TMEM117: variants seen among roughly 807,000 people sequenced by gnomAD.
TMEM117 encodes transmembrane protein 117.
In TMEM117, 27 loss-of-function variants were observed where a neutral mutation model predicts 52.4. The ratio of observed to expected loss-of-function variants is 0.51; its 90% confidence interval spans 0.38 to 0.71. The LOEUF (loss-of-function observed/expected upper bound fraction) is 0.71. Among genes scored for constraint, TMEM117 ranks in the 30% least tolerant of loss-of-function variants. TMEM117 has a pLI of 0.00. For synonymous variants in TMEM117, 215 were observed against 206.3 expected, an observed-to-expected ratio of 1.04 and a Z score of -0.36; for missense variants, 556 against 630.5, an observed-to-expected ratio of 0.88 and a Z score of 1.26.
chr12:43,914,324 G>T (rs964314043), intron 2 of TMEM117, among the ~76,000 whole-genome samples: 23 of 152,018 alleles, frequency 1.5e-4, no homozygotes, highest in African/African-American at 5.3e-4. Flanking sequence ...AGACCTGCAG[G>T]TCTGCTAAGA....
chr12:43,800,381 T>C, the TMEM117 span: 1 of 1,335,992 alleles, frequency 7.5e-7, no homozygotes, highest in African/African-American at 1.5e-5. Context: ...ACCTAGGAGT[T>C]CCTCTTTAAT....
chr12:44,271,259 A>G lies in TMEM117; in HGVS notation c.609-28321A>G, dbSNP rs1294414834. 2.0e-5 allele frequency among the ~76,000 whole-genome samples: 3 copies of G among 152,068 alleles called. No homozygotes were observed. The East Asian group carries it at 5.8e-4, about 29-fold the overall frequency. ...TATAGTAATATAATTTTAACTACCT[A>G]ATAAATTTTAGCTTTTATAATCATT... On this transcript the variant is annotated intron_variant, in intron 5 of 7. Transcript: ENST00000266534.
chr12:43,880,107 TC>T (rs1943870359), intron 2 of TMEM117, among the ~76,000 whole-genome samples: 2 of 152,214 alleles, frequency 1.3e-5, no homozygotes, highest in African/African-American at 2.4e-5. Context: ...TACAAAATTT[TC>T]CAAGCTTTAG....
At chr12:44,204,786 A>G (rs1746807417) in intron 4 of TMEM117, among the ~76,000 whole-genome samples, 1 of 152,198 alleles carries the variant, frequency 6.6e-6, no homozygotes, top group African/African-American at 2.4e-5. Context: ...AAAGTTGATA[A>G]TAACAAGCAA....
the TMEM117 span, chr12:43,804,032 A>C: frequency 1.8e-5 from 4 of 219,570 alleles, no homozygotes; most frequent in Admixed American, 5.2e-5. Flanking sequence ...GAACTTTCCC[A>C]AAACAAGAAA....
intron 3 of TMEM117, among the ~76,000 whole-genome samples, chr12:43,956,724 C>T (rs931493094): frequency 3.3e-5 from 5 of 152,140 alleles, no homozygotes; most frequent in African/African-American, 9.7e-5. Context: ...TTAGTTCAAC[C>T]ATTGTGGAAG....
In TMEM117 at chr12:44,086,380, AT is replaced by A. The variant is rs202148791; in HGVS notation, c.411-57136del. ...AGGTGCGTGCCACCACTCCCAGCTAATTTTTTTTTGTATTTTAGTAGAGATG... is the reference window on the plus strand; with the variant it reads ...AGGTGCGTGCCACCACTCCCAGCTAATTTTTTTTGTATTTTAGTAGAGATG... On this transcript the variant is annotated intron_variant, in intron 3 of 7. Transcript: ENST00000266534. Among the ~76,000 whole-genome samples, 20 of 150,662 alleles carry A rather than the reference AT, an allele frequency of 1.3e-4. No individual in the cohort carries two copies. The East Asian group carries it at 3.5e-3, about 27-fold the overall frequency.
rs1947655828 is a variant in TMEM117 at position 44,090,839 on chromosome 12, G to GTGTTTT, written c.411-52685_411-52684insGTTTTT. Among the ~76,000 whole-genome samples, 8 of 104,800 alleles carry GTGTTTT rather than the reference G, an allele frequency of 7.6e-5. No individual in the cohort carries two copies. The South Asian group carries it at 2.3e-3, about 30-fold the overall frequency. The allele number at this position is 104,800 out of a possible 152,430, so 68.8% of individuals were successfully genotyped here. A position where few individuals can be genotyped will look rare whatever the true frequency, so the allele number is the denominator to read the frequency against. Reference sequence around the variant, plus strand: ...CTAATTCTTAATCCTGTATTTATGTGTTTTTTTTTGTTTTTTTTTTTTTTT... The same window carrying GTGTTTT: ...CTAATTCTTAATCCTGTATTTATGTGTGTTTTTTTTTTTTTGTTTTTTTTTTTTTTT... On this transcript the variant is annotated intron_variant, in intron 3 of 7. Coordinates refer to ENST00000266534, the MANE Select transcript of TMEM117 (RefSeq NM_032256.3).
chr12:44,195,898 A>G (rs1949413099), intron 4 of TMEM117, among the ~76,000 whole-genome samples: 1 of 127,932 alleles, frequency 7.8e-6, no homozygotes, highest in Admixed American at 7.9e-5. Context: ...TAAAATAAAT[A>G]AATAAATAAA....
At chr12:44,379,361 A>C (rs1951988616) in intron 7 of TMEM117, among the ~76,000 whole-genome samples, 1 of 152,174 alleles carries the variant, frequency 6.6e-6, no homozygotes, top group African/African-American at 2.4e-5. Flanking sequence ...GTCTCAAAAA[A>C]TAAGCTAAAA....
intron 3 of TMEM117, among the ~76,000 whole-genome samples, chr12:44,024,375 G>A (rs1946499846): frequency 6.6e-6 from 1 of 152,180 alleles, no homozygotes; most frequent in South Asian, 2.1e-4. Flanking sequence ...AGATATGAAA[G>A]GGAGCAGTCC....
At chr12:44,125,123 G>T (rs1948301456) in intron 3 of TMEM117, among the ~76,000 whole-genome samples, 1 of 150,186 alleles carries the variant, frequency 6.7e-6, no homozygotes, top group South Asian at 2.1e-4. Context: ...TTTTTTTTTT[G>T]AGACGGAGTC....
Position 44,358,611 on chromosome 12 carries a change from G to A in TMEM117, c.769-17984G>A, listed in dbSNP as rs544010968. Among the ~76,000 whole-genome samples the A allele has an allele frequency of 1.1e-3, 174 of 152,186 alleles. 1 individual carries two copies. Among genetic ancestry groups the A allele is most frequent in the African/African-American group, 4.0e-3 (167 of 41,524 alleles). On this transcript the variant is annotated intron_variant, in intron 6 of 7. Transcript: ENST00000266534. ...TAAGTTTATCTTCCATAAATAGATT[G>A]GAAATGTATTCAGTTGGAACCAAGC...
intron 4 of TMEM117, among the ~76,000 whole-genome samples, chr12:44,188,730 C>G (rs1301854281): frequency 6.6e-5 from 10 of 152,134 alleles, no homozygotes; most frequent in Admixed American, 6.6e-4. Flanking sequence ...CCACAGCACT[C>G]CCATTTGTCT....
intron 4 of TMEM117, among the ~76,000 whole-genome samples, chr12:44,162,160 T>C (rs980380419): frequency 1.3e-5 from 2 of 152,186 alleles, no homozygotes; most frequent in African/African-American, 2.4e-5. Flanking sequence ...TTTGGAGACA[T>C]AGAAGAGAAC....
At chr12:44,312,805 A>T (rs1304944789) in intron 6 of TMEM117, among the ~76,000 whole-genome samples, 2 of 152,072 alleles carry the variant, frequency 1.3e-5, no homozygotes, top group African/African-American at 4.8e-5. Context: ...CCATTCTGAC[A>T]GATGTGAGAT....
rs755750032 is a variant in TMEM117 at position 44,006,019 on chromosome 12, G to A, written c.410+61677G>A. Among the ~76,000 whole-genome samples the A allele has an allele frequency of 2.6e-5, 4 of 152,058 alleles. No individual in the cohort carries two copies. In the South Asian group the frequency reaches 6.2e-4, roughly 24 times the overall value. ...TTTCCTATATAAATTACCCAGTCTC[G>A]AGTATGTCTTTATCAGCAGCATGAA... On this transcript the variant is annotated intron_variant, in intron 3 of 7. Transcript: ENST00000266534.
chr12:44,356,310 G>C (rs1253573348), intron 6 of TMEM117, among the ~76,000 whole-genome samples: 1 of 152,080 alleles, frequency 6.6e-6, no homozygotes, highest in Non-Finnish European at 1.5e-5. Flanking sequence ...TTGTAAAGGA[G>C]CAAACCGTTA....
intron 3 of TMEM117, among the ~76,000 whole-genome samples, chr12:44,106,145 C>A (rs1947950099): frequency 1.3e-5 from 2 of 152,062 alleles, no homozygotes; most frequent in South Asian, 4.1e-4. Context: ...GTTTTGGGGG[C>A]AGCAGCTTGC....
Sources: gnomAD v4.1 joint callset for allele counts (sites outside exome capture counted in the v4.1 genomes callset) on GRCh38, gnomAD v4.1.1 for gene constraint, MANE v1.5 for transcripts, NCBI Gene and HGNC (gene_info 2026-07-23, HGNC 2026-07-21) for gene names.